CPSF4L: variants seen among roughly 807,000 people sequenced by gnomAD.
The protein encoded by CPSF4L is cleavage and polyadenylation specific factor 4 like.
A neutral mutation model predicts 24.0 loss-of-function variants in CPSF4L; 18 were observed. That is an observed-to-expected ratio of 0.75 (90% confidence interval 0.52 to 1.11). The LOEUF (loss-of-function observed/expected upper bound fraction) is 1.11, where lower values mean the gene tolerates loss of function less well. Among genes scored for constraint, CPSF4L ranks in the 50% least tolerant of loss-of-function variants. The pLI, the probability that CPSF4L is intolerant of heterozygous loss-of-function variation, is 0.00. For synonymous variants in CPSF4L, 72 were observed against 77.2 expected (o/e 0.93, Z 0.35); for missense variants, 211 against 221.8 (o/e 0.95, Z 0.31).
In CPSF4L at chr17:73,257,559, T is replaced by C. The variant is rs74634523; in HGVS notation, c.307+122A>G. 3.4e-3 allele frequency: 3,334 copies of C among 994,970 alleles called. 70 individuals are homozygous for C. The African/African-American group carries it at 0.048, about 14-fold the overall frequency. 61.6% of individuals were successfully genotyped at this position (994,970 alleles called of 1,614,324 possible). On this transcript the variant is annotated intron_variant, in intron 3 of 5. Transcript: ENST00000344935. ...CAGACACCTGAGACTCAGACAGGTC[T>C]CTCTGGCCTCCAGGGACATGTCCAG...
At chr17:73,245,368 T>C (rs987247409), downstream of CPSF4L, 1 of 1,347,758 alleles carries the variant, frequency 7.4e-7, no homozygotes, top group African/African-American at 1.5e-5. Flanking sequence ...GTAAACGTAT[T>C]ATTAATATAG....
chr17:73,262,566 G>GA (rs2062051484), upstream of CPSF4L, among the ~76,000 whole-genome samples: 1 of 152,228 alleles, frequency 6.6e-6, no homozygotes, highest in Non-Finnish European at 1.5e-5. Flanking sequence ...CCACCCCTGA[G>GA]AAAGTGCTTT....
At chr17:73,247,285 T>C (rs778231019), downstream of CPSF4L, 20 of 1,614,172 alleles carry the variant, frequency 1.2e-5, no homozygotes, top group Non-Finnish European at 1.7e-5. Flanking sequence ...AGTACCTCCA[T>C]GCATTGGTGT....
intron 2 of CPSF4L, among the ~76,000 whole-genome samples, chr17:73,258,111 G>T (rs539229568): frequency 6.6e-6 from 1 of 151,726 alleles, no homozygotes; most frequent in African/African-American, 2.4e-5. Context: ...CTGGGTTCAC[G>T]CCATTCTCCT....
intron 5 of CPSF4L, among the ~76,000 whole-genome samples, chr17:73,249,368 T>TC (rs1426688376): frequency 1.3e-5 from 2 of 152,188 alleles, no homozygotes; most frequent in Non-Finnish European, 2.9e-5. Flanking sequence ...GTAGGTGCTA[T>TC]CCTGCTCATT....
chr17:73,261,295 G>A (rs913707404), intron 1 of CPSF4L, among the ~76,000 whole-genome samples: 3 of 152,250 alleles, frequency 2.0e-5, no homozygotes, highest in Non-Finnish European at 4.4e-5. Context: ...GGGTTGCCCC[G>A]AAGCCACAGA....
chr17:73,256,102 G>A (rs985065080), intron 3 of CPSF4L, among the ~76,000 whole-genome samples: 1 of 152,176 alleles, frequency 6.6e-6, no homozygotes, highest in Non-Finnish European at 1.5e-5. Flanking sequence ...TCTACTAATT[G>A]GAGTTATCTG....
chr17:73,250,006 G>T (rs1036106257), intron 5 of CPSF4L: 7 of 411,846 alleles, frequency 1.7e-5, no homozygotes, highest in Non-Finnish European at 1.7e-5. Context: ...TTGGTTTTAT[G>T]TACATTTTGC....
intron 1 of CPSF4L, among the ~76,000 whole-genome samples, chr17:73,261,470 G>A (rs931385369): frequency 5.3e-5 from 8 of 152,118 alleles, no homozygotes; most frequent in Non-Finnish European, 1.2e-4. Context: ...GACCATCCTG[G>A]CTAACATGGT....
At chr17:73,245,539 A>T, downstream of CPSF4L, 1 of 985,422 alleles carries the variant, frequency 1.0e-6, no homozygotes, top group Non-Finnish European at 1.2e-6. Flanking sequence ...GTAAAAAGCT[A>T]GTATCTCATT....
At chr17:73,249,575 G>C (rs968204205) in intron 5 of CPSF4L, among the ~76,000 whole-genome samples, 1 of 152,072 alleles carries the variant, frequency 6.6e-6, no homozygotes, top group Non-Finnish European at 1.5e-5. Flanking sequence ...TACCAAGGTG[G>C]GGGGCCAGTT....
At chr17:73,250,173 C>T (rs943699927) in intron 5 of CPSF4L, 6 of 1,472,270 alleles carry the variant, frequency 4.1e-6, no homozygotes, top group African/African-American at 1.4e-5. Context: ...AGCAGGCTTA[C>T]TGTGGAACTT....
chr17:73,261,519 G>T (rs144023377), intron 1 of CPSF4L, among the ~76,000 whole-genome samples, 197 bp downstream of exon 1: 4,313 of 152,302 alleles, frequency 0.028, 87 homozygotes, highest in Non-Finnish European at 0.046. Context: ...AAATCAGCTG[G>T]GCGTGGTGGC....
At chr17:73,245,465 G>T (rs2061937383), downstream of CPSF4L, 3 of 1,117,492 alleles carry the variant, frequency 2.7e-6, no homozygotes, top group South Asian at 1.1e-4. Flanking sequence ...TAACCATAAA[G>T]TTGTTATTCA....
chr17:73,251,134 T>A, intron 5 of CPSF4L: 1 of 1,514,954 alleles, frequency 6.6e-7, no homozygotes, highest in Non-Finnish European at 8.9e-7. Context: ...AGAAAACACC[T>A]ACTGCAGATA....
rs183262365 is a variant in CPSF4L at position 73,250,821 on chromosome 17, C to T, written c.497+1809G>A. 1.5e-4 allele frequency among the ~76,000 whole-genome samples: 23 copies of T among 152,292 alleles called. No homozygotes were observed. The East Asian group carries it at 3.1e-3, about 20-fold the overall frequency. The stretch of plus-strand genomic sequence containing the variant: ...AACAGTCTTGTCTAGCAGGAGATGC[C>T]AACAGGATGGTTTACAGTATCCTCT... On this transcript the variant is annotated intron_variant, in intron 5 of 5. Coordinates refer to ENST00000344935, the MANE Select transcript of CPSF4L (RefSeq NM_001129885.1).
At position 73,260,915 on chromosome 17, in the gene CPSF4L, G is replaced by A; in HGVS notation, c.154+18C>T. 1 of 1,549,062 alleles carries A rather than the reference G, an allele frequency of 6.5e-7. No homozygotes were observed. The highest frequency in any genetic ancestry group is 8.7e-7 in the Non-Finnish European group (1 of 1,144,854). On this transcript the variant is annotated intron_variant, in intron 2 of 5. Transcript: ENST00000344935. ...TACACTCACCCAGCTTGGGGCCCAGGCCTGTCTGCTAACTCACCTTTCTCA... is the reference window on the plus strand; with the variant it reads ...TACACTCACCCAGCTTGGGGCCCAGACCTGTCTGCTAACTCACCTTTCTCA...
At chr17:73,243,032 T>C in the CPSF4L span, 1 of 1,547,348 alleles carries the variant, frequency 6.5e-7, no homozygotes, top group African/African-American at 1.4e-5. Context: ...CTAGCCTAAA[T>C]AACAGGTCCC....
intron 3 of CPSF4L, among the ~76,000 whole-genome samples, chr17:73,254,798 C>T (rs2062018166): frequency 6.6e-6 from 1 of 152,190 alleles, no homozygotes; most frequent in African/African-American, 2.4e-5. Flanking sequence ...CATGTGCCAC[C>T]ACGCATGGCT....
Sources: allele counts gnomAD v4.1 joint callset (sites outside exome capture counted in the v4.1 genomes callset), GRCh38; gene constraint gnomAD v4.1.1; transcripts MANE v1.5; gene names NCBI Gene and HGNC (gene_info 2026-07-23, HGNC 2026-07-21).